The following NCAM2 variants were observed in gnomAD, a reference collection of about 807,000 sequenced individuals.
NCAM2 encodes the protein neural cell adhesion molecule 2.
NCAM2 carries 30 observed loss-of-function variants against 98.1 expected under a neutral mutation model. The ratio of observed to expected loss-of-function variants is 0.31; its 90% CI spans 0.23 to 0.41. The LOEUF (loss-of-function observed/expected upper bound fraction) is 0.41. Among genes scored for constraint, NCAM2 ranks in the 10% least tolerant of loss-of-function variants. NCAM2 has a pLI of 1.00. For synonymous variants in NCAM2, 368 were observed against 342.4 expected (o/e 1.07, Z -0.83); for missense variants, 867 against 1,005.8 (o/e 0.86, Z 1.87).
rs544139483 is a variant in NCAM2 at position 21,110,147 on chromosome 21, A to G, written c.55+111529A>G. On this transcript the variant is annotated intron_variant, in intron 1 of 17. Transcript: ENST00000400546. ...TGCAGCATTAGGGGAACTTACATAC[A>G]GAGGGCTTCAGCGTCCTCATGACAG... Among the ~76,000 whole-genome samples, 5 of 152,330 alleles carry G rather than the reference A, an allele frequency of 3.3e-5. No individual in the cohort carries two copies. The East Asian group carries it at 9.7e-4, about 29-fold the overall frequency.
At chr21:21,324,595 A>ATGGT in intron 6 of NCAM2, 95 bp downstream of exon 6, 3 of 890,568 alleles carry the variant, frequency 3.4e-6, no homozygotes, top group Non-Finnish European at 5.2e-6. Flanking sequence ...AAAGCAAACC[A>ATGGT]TTGCATTTTA....
At chr21:21,387,243 CT>C (rs1434876807) in intron 9 of NCAM2, among the ~76,000 whole-genome samples, 1 of 151,494 alleles carries the variant, frequency 6.6e-6, no homozygotes, top group Non-Finnish European at 1.5e-5. Context: ...GTCCCTTTCT[CT>C]TTTTATAAGG....
At chr21:21,160,059 G>A (rs1263975426) in intron 1 of NCAM2, among the ~76,000 whole-genome samples, 1 of 151,996 alleles carries the variant, frequency 6.6e-6, no homozygotes, top group Non-Finnish European at 1.5e-5. Context: ...GTAGATCTCA[G>A]TTAGACTCCT....
chr21:21,532,059 G>A (rs1989735119), intron 16 of NCAM2, among the ~76,000 whole-genome samples: 1 of 151,784 alleles, frequency 6.6e-6, no homozygotes, highest in African/African-American at 2.4e-5. Context: ...TAAATTATGT[G>A]TGTTTCAAAT....
At chr21:21,166,191 A>G (rs1320995589) in intron 1 of NCAM2, among the ~76,000 whole-genome samples, 1 of 152,148 alleles carries the variant, frequency 6.6e-6, no homozygotes, top group Non-Finnish European at 1.5e-5. Context: ...GCATTTAGTC[A>G]TCAAGACTTA....
At chr21:21,516,076 A>C (rs771623419) in intron 16 of NCAM2, among the ~76,000 whole-genome samples, 4 of 152,150 alleles carry the variant, frequency 2.6e-5, no homozygotes, top group Non-Finnish European at 4.4e-5. Flanking sequence ...ATGGAAGTAG[A>C]AATGACAAAA....
rs777623996 is a variant in NCAM2, at chr21:21,418,634, G to C, written c.1480+65G>C. On this transcript the variant is annotated intron_variant, in intron 11 of 17. Coordinates refer to ENST00000400546, the MANE Select transcript of NCAM2 (RefSeq NM_004540.5). ...TTTCTGAGAGCAAATGAAAATTTAA[G>C]TTGATAAAGTGGTCTCATTTACATG... The C allele has an allele frequency of 1.4e-3, 1,604 of 1,162,760 alleles. 8 individuals are homozygous for C. The highest frequency in any genetic ancestry group is 1.5e-3 in the Non-Finnish European group (1,151 of 771,288). The allele number at this position is 1,162,760 out of a possible 1,614,324, so 72.0% of individuals were successfully genotyped here. A position where few individuals can be genotyped will look rare whatever the true frequency, so the allele number is the denominator to read the frequency against.
At chr21:21,123,924 G>T (rs2066732260) in intron 1 of NCAM2, among the ~76,000 whole-genome samples, 1 of 140,658 alleles carries the variant, frequency 7.1e-6, no homozygotes, top group Admixed American at 7.8e-5. Flanking sequence ...TTGGCTCACT[G>T]CAAGCTCCAC....
intron 1 of NCAM2, among the ~76,000 whole-genome samples, chr21:21,265,115 C>CACACATATAT (rs2072154192): frequency 1.2e-4 from 5 of 42,826 alleles, no homozygotes; most frequent in African/African-American, 2.3e-4. Context: ...AATATATATA[C>CACACATATAT]ATACATATAT....
chr21:21,048,170 T>C (rs958271267), intron 1 of NCAM2, among the ~76,000 whole-genome samples: 2 of 152,182 alleles, frequency 1.3e-5, no homozygotes, highest in African/African-American at 2.4e-5. Flanking sequence ...AAGTCTGCTA[T>C]CTGAGAGCTT....
At chr21:21,318,479 C>A (rs1450036524) in intron 5 of NCAM2, among the ~76,000 whole-genome samples, 2 of 152,128 alleles carry the variant, frequency 1.3e-5, no homozygotes, top group East Asian at 3.9e-4. Context: ...TCGTAGACAT[C>A]TAGTGATGGA....
At chr21:21,076,997 A>C (rs950391591) in intron 1 of NCAM2, among the ~76,000 whole-genome samples, 1 of 152,118 alleles carries the variant, frequency 6.6e-6, no homozygotes, top group African/African-American at 2.4e-5. Context: ...TTTGGTCATA[A>C]GAGAAAAAGA....
chr21:21,027,851 T>G (rs1400429890), intron 1 of NCAM2, among the ~76,000 whole-genome samples: 4 of 151,788 alleles, frequency 2.6e-5, no homozygotes, highest in Admixed American at 2.0e-4. Context: ...TTATAATTGT[T>G]TCTTAAGTTT....
At chr21:21,354,524 A>G (rs1467184429) in intron 8 of NCAM2, among the ~76,000 whole-genome samples, 1 of 152,170 alleles carries the variant, frequency 6.6e-6, no homozygotes, top group East Asian at 1.9e-4. Context: ...ATACAGTACA[A>G]TTGTTTTTCA....
chr21:21,344,148 A>G (rs541464029), intron 8 of NCAM2, among the ~76,000 whole-genome samples: 1 of 152,318 alleles, frequency 6.6e-6, no homozygotes, highest in African/African-American at 2.4e-5. Flanking sequence ...GGGCCAGATG[A>G]GAACACACTG....
chr21:21,418,816 G>A (rs1350897234), intron 11 of NCAM2, among the ~76,000 whole-genome samples: 1 of 152,058 alleles, frequency 6.6e-6, no homozygotes, highest in Non-Finnish European at 1.5e-5. Flanking sequence ...TCAGTGGTAC[G>A]GTAGGGCTAT....
At chr21:21,177,087 G>T (rs1410605858) in intron 1 of NCAM2, among the ~76,000 whole-genome samples, 1 of 152,032 alleles carries the variant, frequency 6.6e-6, no homozygotes, top group African/African-American at 2.4e-5. Context: ...ATTTTAAAAA[G>T]TAAGAAAGAG....
At chr21:21,441,200 T>C (rs232413) in intron 12 of NCAM2, among the ~76,000 whole-genome samples, 55,415 of 151,992 alleles carry the variant, frequency 0.36, 10,214 homozygotes, top group South Asian at 0.48. Context: ...ACATGTTTCA[T>C]GTCTACAAAA....
chr21:21,205,550 T>G (rs1323442701), intron 1 of NCAM2, among the ~76,000 whole-genome samples: 1 of 152,154 alleles, frequency 6.6e-6, no homozygotes, highest in Non-Finnish European at 1.5e-5. Context: ...TCATTTAAAA[T>G]GGAAAACAAG....
Sources: gnomAD v4.1 joint callset for allele counts (sites outside exome capture counted in the v4.1 genomes callset) on GRCh38, gnomAD v4.1.1 for gene constraint, MANE v1.5 for transcripts, NCBI Gene and HGNC (gene_info 2026-07-23, HGNC 2026-07-21) for gene names.